The following DCDC2 variants were observed in gnomAD, a reference collection of about 807,000 sequenced individuals.
The protein encoded by DCDC2 is doublecortin domain containing 2.
A neutral mutation model predicts 50.2 loss-of-function variants in DCDC2; 40 were observed. The ratio of observed to expected loss-of-function variants is 0.80; its 90% confidence interval spans 0.62 to 1.04. The LOEUF is 1.04. Ranked by LOEUF, DCDC2 falls within the 50% of genes least tolerant of loss-of-function variation. The probability of loss-of-function intolerance (pLI) is 0.00; values close to 1 mark genes in which losing one functional copy is unlikely to be tolerated. For missense variants in DCDC2, 570 were observed against 581.9 expected, an observed-to-expected ratio of 0.98 and a Z score of 0.21; for synonymous variants, 234 against 210.6, an observed-to-expected ratio of 1.11 and a Z score of -0.96.
intron 2 of DCDC2, among the ~76,000 whole-genome samples, chr6:24,306,365 C>T (rs1274030951): frequency 6.6e-6 from 1 of 152,132 alleles, no homozygotes; most frequent in African/African-American, 2.4e-5. Flanking sequence ...CTGGGCTCAA[C>T]ATTGTCTTGA....
chr6:24,178,243 A>C (rs1365658126), intron 9 of DCDC2, 87 bp downstream of exon 9: 8 of 1,387,878 alleles, frequency 5.8e-6, no homozygotes, highest in Non-Finnish European at 7.9e-6. Flanking sequence ...TACAAGTCCT[A>C]AACACTTGAT....
intron 2 of DCDC2, among the ~76,000 whole-genome samples, chr6:24,329,463 C>G (rs577233657): frequency 6.6e-6 from 1 of 152,188 alleles, no homozygotes; most frequent in East Asian, 1.9e-4. Flanking sequence ...CATTTCAACT[C>G]CTCATTTTCA....
At chr6:24,368,430 C>CA in the DCDC2 span, among the ~76,000 whole-genome samples, 1 of 151,716 alleles carries the variant, frequency 6.6e-6, no homozygotes, top group Admixed American at 6.6e-5. Flanking sequence ...AGGCACATAA[C>CA]AAAAAATCAA....
At position 24,300,368 on chromosome 6, in the gene DCDC2, C is replaced by T. The variant is rs546246277; in HGVS notation, c.557+1347G>A. Among the ~76,000 whole-genome samples, 7 of 152,210 alleles carry T rather than the reference C, an allele frequency of 4.6e-5. No individual in the cohort carries two copies. In the South Asian group the frequency reaches 8.3e-4, roughly 18 times the overall value. Reference sequence around the variant, plus strand: ...TTGCACTCCAGCCTGGGTGACACAGCGAGACCCTGTCTCAAAAAAATGAAA... The same window carrying T: ...TTGCACTCCAGCCTGGGTGACACAGTGAGACCCTGTCTCAAAAAAATGAAA... On this transcript the variant is annotated intron_variant, in intron 4 of 9. Coordinates refer to ENST00000378454, the MANE Select transcript of DCDC2 (RefSeq NM_016356.5).
chr6:24,366,461 G>A, the DCDC2 span, among the ~76,000 whole-genome samples: 76 of 152,312 alleles, frequency 5.0e-4, no homozygotes, highest in African/African-American at 1.7e-3. Context: ...AAGGAAAGTT[G>A]GGAAAACTCA....
chr6:24,220,877 C>CAA (rs1306695501), intron 7 of DCDC2, among the ~76,000 whole-genome samples: 4,145 of 17,456 alleles, frequency 0.24, 99 homozygotes, highest in Admixed American at 0.29. Flanking sequence ...AGCAAGAGAG[C>CAA]GAGAGCGAGA....
At chr6:24,193,678 G>C (rs1221110326) in intron 8 of DCDC2, among the ~76,000 whole-genome samples, 1 of 152,014 alleles carries the variant, frequency 6.6e-6, no homozygotes, top group Non-Finnish European at 1.5e-5. Flanking sequence ...TAGAAATAAT[G>C]TATAGATATT....
At chr6:24,353,720 G>A in intron 1 of DCDC2, 97 bp from the exon 2 acceptor site, 1 of 735,420 alleles carries the variant, frequency 1.4e-6, no homozygotes, top group South Asian at 2.6e-5. Flanking sequence ...CAACTCATAG[G>A]AAATTCTCAA....
chr6:24,199,785 C>T (rs2113757549), intron 8 of DCDC2, among the ~76,000 whole-genome samples: 1 of 152,230 alleles, frequency 6.6e-6, no homozygotes, highest in Non-Finnish European at 1.5e-5. Context: ...AGAGGAATTG[C>T]TAACTAGAAT....
At position 24,266,894 on chromosome 6, in the gene DCDC2, G is replaced by A. The variant is rs187373675; in HGVS notation, c.922+11155C>T. Among the ~76,000 whole-genome samples the A allele has an allele frequency of 4.2e-3, 638 of 152,234 alleles. 2 individuals are homozygous for A. The highest frequency in any genetic ancestry group is 0.014 in the African/African-American group (592 of 41,552). ...GCACTATTCACAGTAGACATGATTT[G>A]GGAGAAAGCTACGTGCTCATCAACA... On this transcript the variant is annotated intron_variant, in intron 7 of 9. Coordinates refer to ENST00000378454, the MANE Select transcript of DCDC2 (RefSeq NM_016356.5).
upstream of DCDC2, among the ~76,000 whole-genome samples, chr6:24,358,899 A>AATATGTT (rs1730251394): frequency 9.3e-5 from 2 of 21,494 alleles, no homozygotes; most frequent in East Asian, 2.5e-3. Flanking sequence ...TTATATATAT[A>AATATGTT]ATATATTATA....
intron 4 of DCDC2, among the ~76,000 whole-genome samples, chr6:24,297,997 T>A (rs1759288401): frequency 6.6e-6 from 1 of 152,226 alleles, no homozygotes. Context: ...CCCCAATATG[T>A]CTAGAGCAGT....
In DCDC2 at chr6:24,194,134, C is replaced by G. The variant is rs1424671273; in HGVS notation, c.1023+10868G>C. 2.6e-5 allele frequency among the ~76,000 whole-genome samples: 4 copies of G among 152,048 alleles called. No individual in the cohort carries two copies. In the East Asian group the frequency reaches 5.8e-4, roughly 22 times the overall value. On this transcript the variant is annotated intron_variant, in intron 8 of 9. Coordinates refer to ENST00000378454, the MANE Select transcript of DCDC2 (RefSeq NM_016356.5). ...CAGTACTCCATGAGAAATAGCTAAACTAGTTCAAATCAGGTAACTGTATGA... is the reference window on the plus strand; with the variant it reads ...CAGTACTCCATGAGAAATAGCTAAAGTAGTTCAAATCAGGTAACTGTATGA...
upstream of DCDC2, among the ~76,000 whole-genome samples, chr6:24,358,817 T>A (rs1419109965): frequency 8.6e-4 from 48 of 55,952 alleles, 2 homozygotes; most frequent in Middle Eastern, 0.015. Flanking sequence ...TATATATAAA[T>A]ATATATATTA....
At chr6:24,358,796 A>G (rs1465476906), upstream of DCDC2, among the ~76,000 whole-genome samples, 1 of 66,696 alleles carries the variant, frequency 1.5e-5, no homozygotes, top group Non-Finnish European at 2.7e-5. Context: ...TAAAATATAT[A>G]TTTTATATAT....
intron 8 of DCDC2, among the ~76,000 whole-genome samples, chr6:24,198,104 C>T (rs72828971): frequency 0.036 from 5,455 of 152,258 alleles, 132 homozygotes; most frequent in Non-Finnish European, 0.055. Context: ...AAATATTTGA[C>T]TTACATTTAT....
chr6:24,307,312 C>G (rs1759490934), intron 2 of DCDC2, among the ~76,000 whole-genome samples: 1 of 152,068 alleles, frequency 6.6e-6, no homozygotes, highest in African/African-American at 2.4e-5. Flanking sequence ...ATTGTAATGA[C>G]CACAAACCTC....
At chr6:24,195,711 A>T (rs763268159) in intron 8 of DCDC2, among the ~76,000 whole-genome samples, 1 of 152,208 alleles carries the variant, frequency 6.6e-6, no homozygotes, top group Non-Finnish European at 1.5e-5. Flanking sequence ...GTGGTCCCAG[A>T]AATCACCATA....
Position 24,195,716 on chromosome 6 carries a change from A to T in DCDC2, c.1023+9286T>A, listed in dbSNP as rs534050237. Among the ~76,000 whole-genome samples, 14 of 152,330 alleles carry T rather than the reference A, an allele frequency of 9.2e-5. No individual in the cohort carries two copies. In the South Asian group the frequency reaches 2.7e-3, roughly 29 times the overall value. On this transcript the variant is annotated intron_variant, in intron 8 of 9. Coordinates refer to ENST00000378454, the MANE Select transcript of DCDC2 (RefSeq NM_016356.5). ...TACACCAAAAGTGGTCCCAGAAATCACCATATATCCCTTTGGAGGCAAAAT... is the reference window on the plus strand; with the variant it reads ...TACACCAAAAGTGGTCCCAGAAATCTCCATATATCCCTTTGGAGGCAAAAT...
Sources: gnomAD v4.1 joint callset for allele counts (sites outside exome capture counted in the v4.1 genomes callset) on GRCh38, gnomAD v4.1.1 for gene constraint, MANE v1.5 for transcripts, NCBI Gene and HGNC (gene_info 2026-07-23, HGNC 2026-07-21) for gene names.